Variants in ADAM12 observed in about 807,000 individuals in gnomAD.
ADAM12 encodes the protein disintegrin and metalloproteinase domain-containing protein 12.
In ADAM12, 70 loss-of-function variants were observed where a neutral mutation model predicts 106.4. The ratio of observed to expected loss-of-function variants is 0.66; its 90% CI spans 0.54 to 0.80. The LOEUF (loss-of-function observed/expected upper bound fraction) is 0.80, where lower values mean the gene tolerates loss of function less well. ADAM12 is among the 30% of genes least tolerant of loss of function. ADAM12 has a pLI of 0.00. For missense variants in ADAM12, 1,010 were observed against 1,171.9 expected (o/e 0.86, Z 2.02); for synonymous variants, 420 against 433.5 (o/e 0.97, Z 0.39).
At chr10:126,095,984 G>A (rs1955551553) in intron 10 of ADAM12, among the ~76,000 whole-genome samples, 1 of 152,190 alleles carries the variant, frequency 6.6e-6, no homozygotes, top group Non-Finnish European at 1.5e-5. Context: ...CAGGTTTGTT[G>A]ACAGTGTTTA....
intron 11 of ADAM12, among the ~76,000 whole-genome samples, chr10:126,079,879 G>T (rs7095672): frequency 1.3e-5 from 2 of 152,116 alleles, no homozygotes; most frequent in African/African-American, 4.8e-5. Context: ...CAGTGCGATC[G>T]TTGATAAGAC....
At position 126,064,994 on chromosome 10, in the gene ADAM12, G is replaced by A. The variant is rs1197137051; in HGVS notation, c.1421C>T (p.Pro474Leu). ...GGAGTCCCTGCACGCTGTTCCTGCAGGCTTCAGCTGGAAGGAGAGGGCCAT... is the reference window on the plus strand; with the variant it reads ...GGAGTCCCTGCACGCTGTTCCTGCAAGCTTCAGCTGGAAGGAGAGGGCCAT... Reference protein sequence around the residue: ...GLCCEDCQLKPAGTACRDSSN... With the variant: ...GLCCEDCQLKLAGTACRDSSN... The change falls in exon 14 of 23, where the codon CCT becomes CTT. Residue 474 changes from proline (P) to leucine (L), a missense_variant. Pro to Leu is a moderately conservative substitution (Grantham distance 98, BLOSUM62 -3). Coordinates refer to ENST00000448723, the MANE Select transcript of ADAM12 (RefSeq NM_001288973.2). This position sits in a 1 kb window ranked among gnomAD's most constrained non-coding sequence, Gnocchi z 4.4. The A allele has an allele frequency of 1.2e-5, 19 of 1,609,404 alleles. No homozygotes were observed. The highest frequency in any genetic ancestry group is 1.6e-5 in the Non-Finnish European group (19 of 1,177,988).
intron 3 of ADAM12, among the ~76,000 whole-genome samples, chr10:126,224,999 G>A (rs7908946): frequency 0.25 from 38,141 of 152,234 alleles, 4,920 homozygotes; most frequent in Admixed American, 0.31. Context: ...TGCTCCTGCC[G>A]CCTCTGAGTC....
intron 11 of ADAM12, among the ~76,000 whole-genome samples, chr10:126,087,497 T>C (rs1350583533): frequency 6.6e-6 from 1 of 152,144 alleles, no homozygotes; most frequent in Non-Finnish European, 1.5e-5. Flanking sequence ...TCTCTCTCTC[T>C]GGATAAAGAT....
chr10:126,128,165 A>G (rs1956236822), intron 5 of ADAM12, among the ~76,000 whole-genome samples: 1 of 152,034 alleles, frequency 6.6e-6, no homozygotes, highest in Non-Finnish European at 1.5e-5. Flanking sequence ...GGAGCATGAG[A>G]CCTGCTCGTG....
chr10:126,386,028 G>C (rs891742808), intron 1 of ADAM12, among the ~76,000 whole-genome samples: 6 of 152,156 alleles, frequency 3.9e-5, no homozygotes, highest in African/African-American at 1.2e-4. Flanking sequence ...GGCACACTTC[G>C]GGATGTAAGG....
chr10:126,074,617 T>C (rs892333619), intron 11 of ADAM12, among the ~76,000 whole-genome samples: 3 of 152,234 alleles, frequency 2.0e-5, no homozygotes, highest in Non-Finnish European at 4.4e-5. Flanking sequence ...CTACTTCCCT[T>C]AGCTTTTCCT....
intron 14 of ADAM12, among the ~76,000 whole-genome samples, chr10:126,057,552 C>T (rs926721297): frequency 2.0e-5 from 3 of 152,134 alleles, no homozygotes; most frequent in Non-Finnish European, 2.9e-5. Flanking sequence ...ACGCAGCGGC[C>T]GGAACTTGGT....
intron 8 of ADAM12, among the ~76,000 whole-genome samples, chr10:126,104,342 C>T (rs938229946): frequency 2.0e-5 from 3 of 150,742 alleles, no homozygotes; most frequent in African/African-American, 7.3e-5. Context: ...CCTAGCTACT[C>T]GGGAAGCTGA....
At chr10:126,353,951 A>C (rs1240486903) in intron 1 of ADAM12, among the ~76,000 whole-genome samples, 1 of 152,210 alleles carries the variant, frequency 6.6e-6, no homozygotes, top group Non-Finnish European at 1.5e-5. Context: ...TCATGTTGAC[A>C]GAAAATTCCA....
chr10:126,101,438 G>C (rs559315961), intron 8 of ADAM12, among the ~76,000 whole-genome samples, 197 bp from the exon 9 acceptor site: 3 of 152,332 alleles, frequency 2.0e-5, no homozygotes, highest in Admixed American at 2.0e-4. Context: ...TGTTAACTAG[G>C]TTCTCGAAGA....
intron 11 of ADAM12, among the ~76,000 whole-genome samples, chr10:126,089,192 T>C (rs1955416207): frequency 6.6e-6 from 1 of 152,192 alleles, no homozygotes. Flanking sequence ...TCTTTTCAGA[T>C]ACACATGAAG....
intron 2 of ADAM12, among the ~76,000 whole-genome samples, chr10:126,291,978 CTT>C (rs5788778): frequency 0.024 from 3,578 of 149,650 alleles, 129 homozygotes; most frequent in African/African-American, 0.079. Flanking sequence ...TGGGGTTCAG[CTT>C]TTTTTTTTTC....
intron 2 of ADAM12, among the ~76,000 whole-genome samples, chr10:126,308,525 T>C (rs372942067): frequency 1.2e-4 from 18 of 152,218 alleles, no homozygotes; most frequent in Non-Finnish European, 2.2e-4. Context: ...AGCATCACCA[T>C]AGACATATTG....
chr10:126,326,606 TCTC>T (rs1854313211), intron 2 of ADAM12, among the ~76,000 whole-genome samples: 1 of 151,980 alleles, frequency 6.6e-6, no homozygotes, highest in African/African-American at 2.4e-5. Context: ...TCCCCATGGC[TCTC>T]CTCATTTCCA....
chr10:126,112,863 T>C (rs12250732), intron 6 of ADAM12, among the ~76,000 whole-genome samples: 8,814 of 152,048 alleles, frequency 0.058, 871 homozygotes, highest in African/African-American at 0.2. Flanking sequence ...TGAAACCCAG[T>C]GTCCTCCTGA....
Position 126,086,871 on chromosome 10 carries a change from T to A in ADAM12, c.1145+7114A>T, listed in dbSNP as rs966161850. 2.1e-4 allele frequency among the ~76,000 whole-genome samples: 31 copies of A among 148,438 alleles called. 1 individual carries two copies. ...CAACATGGTGAAACCCTGTCTCTAC[T>A]AAAATACAAAAATTAGCTGGGTTTG... On this transcript the variant is annotated intron_variant, in intron 11 of 22. Transcript: ENST00000448723.
chr10:126,351,188 C>T (rs1855342288), intron 1 of ADAM12, among the ~76,000 whole-genome samples: 1 of 152,112 alleles, frequency 6.6e-6, no homozygotes. Context: ...ATGTGCCCTG[C>T]TCCCCCACCC....
intron 11 of ADAM12, among the ~76,000 whole-genome samples, chr10:126,075,667 G>A (rs1337794588): frequency 2.6e-5 from 4 of 152,200 alleles, no homozygotes; most frequent in Non-Finnish European, 5.9e-5. Context: ...AGGGAAGAAG[G>A]TGTGAGTGCA....
Sources: gnomAD v4.1 joint callset for allele counts (sites outside exome capture counted in the v4.1 genomes callset) on GRCh38, gnomAD v4.1.1 for gene constraint, Gnocchi (gnomAD v3.1) non-coding constraint, MANE v1.5 for transcripts, NCBI Gene and HGNC (gene_info 2026-07-23, HGNC 2026-07-21) for gene names.